Variants in NID2 observed in about 807,000 individuals in gnomAD.
The protein encoded by NID2 is nidogen 2.
NID2 carries 83 observed loss-of-function variants against 145.4 expected under a neutral mutation model. The observed-to-expected ratio is 0.57, with a 90% confidence interval of 0.48 to 0.69. The LOEUF is 0.69. NID2 is among the 30% of genes least tolerant of loss of function. NID2 has a pLI of 0.00. For synonymous variants in NID2, 739 were observed against 701.3 expected (o/e 1.05, Z -0.85); for missense variants, 1,807 against 1,765.7 (o/e 1.02, Z -0.42).
chr14:52,020,956 C>A (rs1891384067), intron 12 of NID2, among the ~76,000 whole-genome samples: 1 of 152,094 alleles, frequency 6.6e-6, no homozygotes, highest in African/African-American at 2.4e-5. Flanking sequence ...AACTTACATT[C>A]CTTTTATTTA....
intron 5 of NID2, among the ~76,000 whole-genome samples, chr14:52,049,937 G>A (rs1892634498): frequency 2.0e-5 from 3 of 152,144 alleles, no homozygotes; most frequent in South Asian, 2.1e-4. Context: ...GTGCACCCAG[G>A]GGATGGTCTT....
In NID2 at chr14:52,042,108, C is replaced by T. The variant is rs139940006; in HGVS notation, c.1822G>A (p.Ala608Thr). ...CCTTCTCAGAGGCCCTACTCACCTG[C>T]GAGGCTGAAGCCGTTCTCAGAGCCA... The part of the protein sequence containing the change: ...KPGSENGFSL[A>T]GAAFTHDMEV... The change falls in exon 7 of 22, where the codon GCA becomes ACA. Residue 608 changes from alanine (A) to threonine (T), a missense_variant. Physicochemically the swap from Ala to Thr is moderately conservative, Grantham distance 58. Transcript: ENST00000216286. 5.0e-5 allele frequency: 79 copies of T among 1,588,576 alleles called. 1 individual carries two copies. The highest frequency in any genetic ancestry group is 1.5e-4 in the African/African-American group (11 of 74,416).
At chr14:52,058,597 A>G (rs112057151) in intron 3 of NID2, among the ~76,000 whole-genome samples, 3 of 152,160 alleles carry the variant, frequency 2.0e-5, no homozygotes, top group African/African-American at 7.2e-5. Flanking sequence ...TGTGGATGTT[A>G]GTTCCAAGAG....
At chr14:52,007,630 A>G (rs1236978411) in intron 19 of NID2, 180 bp downstream of exon 19, 2 of 630,406 alleles carry the variant, frequency 3.2e-6, no homozygotes, top group African/African-American at 3.7e-5. Flanking sequence ...CCTCCACCCA[A>G]ACCCCAGAAA....
intron 5 of NID2, among the ~76,000 whole-genome samples, chr14:52,044,559 C>T (rs1314074189): frequency 6.6e-6 from 1 of 151,910 alleles, no homozygotes; most frequent in African/African-American, 2.4e-5. Context: ...CGTGAGCCAC[C>T]CCGCCCGGCC....
intron 19 of NID2, 137 bp downstream of exon 19, chr14:52,007,673 A>G (rs1890840259): frequency 1.2e-6 from 1 of 802,116 alleles, no homozygotes; most frequent in Non-Finnish European, 2.0e-6. Context: ...TAGTACTTAA[A>G]TTTACTAGTA....
chr14:52,011,988 A>G (rs1891047854), intron 16 of NID2: 1 of 259,490 alleles, frequency 3.9e-6, no homozygotes, highest in African/African-American at 2.2e-5. Flanking sequence ...AAGTGTCCTA[A>G]TCAGTAATTG....
intron 16 of NID2, 179 bp from the exon 17 acceptor site, chr14:52,011,862 TA>T: frequency 1.5e-6 from 1 of 680,378 alleles, no homozygotes; most frequent in East Asian, 2.7e-5. Context: ...AGCCACTTAG[TA>T]GCCATGTGGC....
rs768728951 is a variant in NID2 at position 52,029,704 on chromosome 14, G to A, written c.2258-14C>T. Reference sequence around the variant, plus strand: ...GGTCTGAATCCTCTGCATGAGTAGAGGGGAAATAAAAGCACAATCTGGCTA... The same window carrying A: ...GGTCTGAATCCTCTGCATGAGTAGAAGGGAAATAAAAGCACAATCTGGCTA... On this transcript the variant is annotated splice_polypyrimidine_tract_variant and intron_variant, in intron 9 of 21. Transcript: ENST00000216286. 3.1e-5 allele frequency: 50 copies of A among 1,609,926 alleles called. No homozygotes were observed. Among genetic ancestry groups the A allele is most frequent in the Non-Finnish European group, 3.9e-5 (46 of 1,176,768 alleles).
At chr14:52,060,653 A>C (rs2140431774) in intron 2 of NID2, among the ~76,000 whole-genome samples, 1 of 152,354 alleles carries the variant, frequency 6.6e-6, no homozygotes, top group African/African-American at 2.4e-5. Flanking sequence ...TATACTTTGT[A>C]AGGTTTCAAA....
intron 13 of NID2, 119 bp downstream of exon 13, chr14:52,019,940 C>T (rs759586077): frequency 9.8e-5 from 136 of 1,393,376 alleles, no homozygotes; most frequent in Middle Eastern, 4.6e-4. Context: ...AAAAAATCCA[C>T]AGCTTGGAAA....
chr14:52,027,386 G>T, intron 11 of NID2, 42 bp from the exon 12 acceptor site: 5 of 1,466,656 alleles, frequency 3.4e-6, no homozygotes, highest in Non-Finnish European at 4.5e-6. Context: ...GTTTAGGCCT[G>T]CAAAGGATGA....
rs754904115 is a variant in NID2, at chr14:52,067,977, A to G, written c.415T>C (p.Tyr139His). The change falls in exon 2 of 22, where the codon TAT becomes CAT. Residue 139 changes from tyrosine to histidine, a missense_variant. By Grantham distance (83) the Tyr-to-His change is moderately conservative (BLOSUM62 2). Coordinates refer to ENST00000216286, the MANE Select transcript of NID2 (RefSeq NM_007361.4). Reference protein sequence around the residue: ...SPAVLGLAARYVRAGFPRSAR... With the variant: ...SPAVLGLAARHVRAGFPRSAR... ...GAGCGCGGGAAGCCAGCGCGCACAT[A>G]GCGGGCGGCCAGGCCCAGCACTGCG... The G allele has an allele frequency of 2.2e-5, 35 of 1,610,908 alleles. No individual in the cohort carries two copies. The highest frequency in any genetic ancestry group is 2.0e-4 in the Admixed American group (12 of 59,282).
At chr14:52,053,365 T>C (rs185901247) in intron 5 of NID2, among the ~76,000 whole-genome samples, 4 of 152,360 alleles carry the variant, frequency 2.6e-5, no homozygotes, top group Non-Finnish European at 2.9e-5. Flanking sequence ...AAAACATTAT[T>C]AATGATCAAG....
chr14:52,013,273 CTCTATGACTTGAA>C (rs1157246052), intron 16 of NID2, among the ~76,000 whole-genome samples: 1 of 152,222 alleles, frequency 6.6e-6, no homozygotes, highest in Admixed American at 6.5e-5. Flanking sequence ...GGCAATCAAG[CTCTATGACTTGAA>C]TAAAAGAGGG....
chr14:52,041,885 G>T (rs901395756), intron 7 of NID2, among the ~76,000 whole-genome samples: 3 of 152,226 alleles, frequency 2.0e-5, no homozygotes, highest in African/African-American at 7.2e-5. Flanking sequence ...TCTCAGAACA[G>T]CTGGGAGAAC....
In NID2 at chr14:52,060,204, T is replaced by C; in HGVS notation, c.687A>G (p.Arg229=). 1 of 1,613,960 alleles carries C rather than the reference T, an allele frequency of 6.2e-7. No homozygotes were observed. The highest frequency in any genetic ancestry group is 1.3e-5 in the African/African-American group (1 of 74,974). The change falls in exon 3 of 22, where the codon CGA becomes CGG. Residue 229 remains arginine, a synonymous_variant. Transcript: ENST00000216286. ...CTGACTTCAGATCATCAGCCTCCCC[T>C]CGGCAGAAGCCCACCCGAGCTGGAA... ...LQLPARVGFC[R]GEADDLKSEG...
chr14:52,067,652 G>C (rs1893265854), intron 2 of NID2, among the ~76,000 whole-genome samples: 1 of 152,084 alleles, frequency 6.6e-6, no homozygotes. Context: ...TTCCTCAAGG[G>C]AGTGACCACC....
rs201572293 is a variant in NID2 at position 52,007,999 on chromosome 14, T to C, written c.3723-32A>G. The C allele has an allele frequency of 1.1e-5, 17 of 1,570,338 alleles. No homozygotes were observed. In the Admixed American group the frequency reaches 2.8e-4, roughly 26 times the overall value. On this transcript the variant is annotated intron_variant, in intron 18 of 21. Transcript: ENST00000216286. ...GTTAAAAATCAAGATTGTAAAAGAA[T>C]AGCCATGTAGCCTGTGGTAGGCAGC...
Sources: allele counts gnomAD v4.1 joint callset (sites outside exome capture counted in the v4.1 genomes callset), GRCh38; gene constraint gnomAD v4.1.1; transcripts MANE v1.5; gene names NCBI Gene and HGNC (gene_info 2026-07-23, HGNC 2026-07-21).